Variants in FOXP1 observed in about 807,000 individuals in gnomAD.
FOXP1 encodes the protein forkhead box protein P1.
In FOXP1, 15 loss-of-function variants were observed where a neutral mutation model predicts 98.2. The observed-to-expected ratio is 0.15, with a 90% CI of 0.10 to 0.24. FOXP1 has a LOEUF of 0.24. Among genes scored for constraint, FOXP1 ranks in the 10% least tolerant of loss-of-function variants. The probability of loss-of-function intolerance (pLI) is 1.00; values close to 1 mark genes in which losing one functional copy is unlikely to be tolerated. For missense variants in FOXP1, 633 were observed against 848.5 expected (o/e 0.75, Z 3.15); for synonymous variants, 371 against 314.5 (o/e 1.18, Z -1.90).
At chr3:71,390,916 A>G (rs2080984195) in intron 3 of FOXP1, among the ~76,000 whole-genome samples, 1 of 152,222 alleles carries the variant, frequency 6.6e-6, no homozygotes, top group Non-Finnish European at 1.5e-5. Flanking sequence ...CCTGTTGCAA[A>G]TCCAGAATTA....
At chr3:71,201,834 A>G (rs947502265) in intron 5 of FOXP1, among the ~76,000 whole-genome samples, 6 of 152,174 alleles carry the variant, frequency 3.9e-5, no homozygotes, top group Non-Finnish European at 7.3e-5. Flanking sequence ...CCTTCTGGGA[A>G]TACCTTCCCA....
chr3:71,324,771 CAAATAAAT>C (rs370482116), intron 4 of FOXP1, among the ~76,000 whole-genome samples: 4 of 151,804 alleles, frequency 2.6e-5, no homozygotes, highest in Non-Finnish European at 5.9e-5. Flanking sequence ...ATAATAAAAA[CAAATAAAT>C]AAATAAATAA....
In FOXP1 at chr3:71,583,655, C is replaced by T. The variant is rs568787975; in HGVS notation, c.-531G>A. On this transcript the variant is annotated 5_prime_UTR_variant, in exon 1 of 21. Transcript: ENST00000649528. ...CCCACTCCCGCCCGCGCGCGCACCCCGCGCACACACTCACTCGCGCACACA... is the reference window on the plus strand; with the variant it reads ...CCCACTCCCGCCCGCGCGCGCACCCTGCGCACACACTCACTCGCGCACACA... The T allele has an allele frequency of 9.5e-5, 94 of 984,672 alleles. 1 individual carries two copies. Among genetic ancestry groups the T allele is most frequent in the Non-Finnish European group, 1.1e-4 (93 of 829,822 alleles). 61.0% of individuals were successfully genotyped at this position (984,672 alleles called of 1,614,324 possible). A position where few individuals can be genotyped will look rare whatever the true frequency, so the allele number is the denominator to read the frequency against.
chr3:71,583,597 A>C lies in FOXP1; in HGVS notation c.-473T>G, dbSNP rs2048366269. On this transcript the variant is annotated 5_prime_UTR_variant, in exon 1 of 21. Coordinates refer to ENST00000649528, the MANE Select transcript of FOXP1 (RefSeq NM_001349338.3). ...CGCTGCAAATGGTCTCTCGGTGCAA[A>C]CTAAGGTGTTTTCGGGCCTTTCCCC... The C allele has an allele frequency of 4.1e-6, 4 of 981,926 alleles. No homozygotes were observed. The South Asian group carries it at 1.4e-4, about 35-fold the overall frequency. The allele number at this position is 981,926 out of a possible 1,614,324, so 60.8% of individuals were successfully genotyped here.
intron 2 of FOXP1, among the ~76,000 whole-genome samples, chr3:71,538,548 T>C (rs761044057): frequency 6.6e-6 from 1 of 152,272 alleles, no homozygotes; most frequent in Non-Finnish European, 1.5e-5. Flanking sequence ...TCACATTTTG[T>C]TGATCCACCA....
chr3:71,487,691 A>T (rs1256708203), intron 3 of FOXP1, among the ~76,000 whole-genome samples: 2 of 152,228 alleles, frequency 1.3e-5, no homozygotes, highest in Non-Finnish European at 2.9e-5. Flanking sequence ...TTTAGCCAAA[A>T]GGTTTGATGT....
chr3:71,565,957 C>G (rs554748671), intron 2 of FOXP1, among the ~76,000 whole-genome samples: 42 of 152,246 alleles, frequency 2.8e-4, no homozygotes, highest in African/African-American at 9.9e-4. Flanking sequence ...AATAAATCAA[C>G]GAGTGAATCA....
chr3:71,076,280 T>A (rs1253070522), intron 7 of FOXP1, among the ~76,000 whole-genome samples: 1 of 152,206 alleles, frequency 6.6e-6, no homozygotes, highest in African/African-American at 2.4e-5. Context: ...AAGTTCCCAA[T>A]ACCCAACTAA....
chr3:71,318,233 GA>G (rs1251678653), intron 4 of FOXP1, among the ~76,000 whole-genome samples: 1 of 150,580 alleles, frequency 6.6e-6, no homozygotes, highest in East Asian at 2.0e-4. Context: ...GGGACAGAAG[GA>G]ACAAGTCCCC....
chr3:71,550,863 C>T (rs1381002042), intron 2 of FOXP1, among the ~76,000 whole-genome samples: 2 of 152,184 alleles, frequency 1.3e-5, no homozygotes, highest in Non-Finnish European at 2.9e-5. Flanking sequence ...ATGCCATTGC[C>T]GCTTCCGAGA....
intron 5 of FOXP1, among the ~76,000 whole-genome samples, chr3:71,247,385 G>T (rs914032379): frequency 1.3e-5 from 2 of 152,160 alleles, no homozygotes; most frequent in African/African-American, 4.8e-5. Flanking sequence ...AACGACAATG[G>T]GACAAGTGCC....
intron 14 of FOXP1, among the ~76,000 whole-genome samples, chr3:70,979,299 A>G (rs76723673): frequency 0.013 from 1,454 of 109,730 alleles, 38 homozygotes; most frequent in Middle Eastern, 0.031. Context: ...AAAAAAAAAA[A>G]AAAAAAAAAA....
intron 3 of FOXP1, among the ~76,000 whole-genome samples, chr3:71,377,678 T>C (rs986782236): frequency 2.6e-5 from 4 of 152,214 alleles, no homozygotes; most frequent in South Asian, 4.1e-4. Flanking sequence ...ATATGCCTGG[T>C]GTAAGGTTTC....
At chr3:71,121,503 CCTA>C (rs34526057) in intron 6 of FOXP1, among the ~76,000 whole-genome samples, 88,078 of 151,296 alleles carry the variant, frequency 0.58, 26,799 homozygotes, top group Non-Finnish European at 0.66. Flanking sequence ...CCATCATACT[CCTA>C]CTCCCATTAA....
intron 5 of FOXP1, among the ~76,000 whole-genome samples, chr3:71,278,745 G>C (rs557156929): frequency 1.3e-5 from 2 of 152,324 alleles, no homozygotes; most frequent in Non-Finnish European, 2.9e-5. Flanking sequence ...TCATGCCACT[G>C]TACTCCAGCC....
At chr3:71,357,556 T>C (rs1378716654) in intron 4 of FOXP1, among the ~76,000 whole-genome samples, 1 of 152,240 alleles carries the variant, frequency 6.6e-6, no homozygotes, top group East Asian at 1.9e-4. Context: ...ACCCAGAATT[T>C]ACCTGGGACA....
intron 20 of FOXP1, among the ~76,000 whole-genome samples, chr3:70,959,823 G>C (rs1394611707): frequency 6.6e-6 from 1 of 152,158 alleles, no homozygotes; most frequent in Non-Finnish European, 1.5e-5. Flanking sequence ...ATTCAGGTCT[G>C]GGGTGGGGCC....
At chr3:71,343,494 C>T (rs11713665) in intron 4 of FOXP1, among the ~76,000 whole-genome samples, 68,608 of 150,288 alleles carry the variant, frequency 0.46, 17,044 homozygotes, top group East Asian at 0.73. Flanking sequence ...TGTTGGGTTA[C>T]GGGGCGGGGA....
intron 18 of FOXP1, chr3:70,972,345 T>C (rs1010655101): frequency 5.8e-6 from 5 of 866,872 alleles, no homozygotes; most frequent in Admixed American, 4.6e-5. Context: ...TAAAAGCTAC[T>C]AGCATGTGAT....
Sources: gnomAD v4.1 joint callset for allele counts (sites outside exome capture counted in the v4.1 genomes callset) on GRCh38, gnomAD v4.1.1 for gene constraint, MANE v1.5 for transcripts, NCBI Gene and HGNC (gene_info 2026-07-23, HGNC 2026-07-21) for gene names.